ANKS1B: variants seen among roughly 807,000 people sequenced by gnomAD.
The protein encoded by ANKS1B is ankyrin repeat and sterile alpha motif domain containing 1B, also known as ankyrin repeat and sterile alpha motif domain-containing protein 1B.
In ANKS1B, 36 loss-of-function variants were observed where a neutral mutation model predicts 148.3. The ratio of observed to expected loss-of-function variants is 0.24; its 90% confidence interval spans 0.19 to 0.32. The LOEUF is 0.32. Among genes scored for constraint, ANKS1B ranks in the 10% least tolerant of loss-of-function variants. The pLI, the probability that ANKS1B is intolerant of heterozygous loss-of-function variation, is 1.00. For missense variants in ANKS1B, 1,157 were observed against 1,542.6 expected (o/e 0.75, Z 4.19); for synonymous variants, 542 against 560.8 (o/e 0.97, Z 0.47).
chr12:99,115,506 A>G (rs2061163088), intron 15 of ANKS1B, among the ~76,000 whole-genome samples: 1 of 152,198 alleles, frequency 6.6e-6, no homozygotes, highest in South Asian at 2.1e-4. Context: ...AGCAGAAAAA[A>G]TAACTATTGG....
intron 15 of ANKS1B, among the ~76,000 whole-genome samples, chr12:99,085,896 A>G (rs894854142): frequency 4.6e-5 from 7 of 152,200 alleles, no homozygotes; most frequent in African/African-American, 1.7e-4. Context: ...GGATCAGGAA[A>G]AATAACTCAT....
chr12:99,234,339 G>A (rs1262987340), intron 14 of ANKS1B, among the ~76,000 whole-genome samples: 2 of 152,040 alleles, frequency 1.3e-5, no homozygotes, highest in East Asian at 3.9e-4. Flanking sequence ...CTGTGCCAGG[G>A]TACTCTGGAA....
intron 2 of ANKS1B, among the ~76,000 whole-genome samples, chr12:99,823,801 C>T (rs2082815428): frequency 6.6e-6 from 1 of 152,156 alleles, no homozygotes; most frequent in East Asian, 1.9e-4. Context: ...CAGTCTTCTG[C>T]ATATGGTTAT....
intron 17 of ANKS1B, among the ~76,000 whole-genome samples, chr12:98,970,366 G>T (rs377075079): frequency 5.3e-5 from 8 of 152,268 alleles, no homozygotes; most frequent in African/African-American, 1.9e-4. Flanking sequence ...CCTGGGCAAT[G>T]GTAGCACACA....
chr12:99,554,895 T>G (rs1015090593), intron 9 of ANKS1B, among the ~76,000 whole-genome samples: 1 of 152,176 alleles, frequency 6.6e-6, no homozygotes, highest in Non-Finnish European at 1.5e-5. Flanking sequence ...TTCCCTTCTT[T>G]GTGTCCACGT....
intron 8 of ANKS1B, chr12:99,706,671 A>G (rs1376494697): frequency 6.6e-6 from 1 of 152,144 alleles, no homozygotes; most frequent in Admixed American, 6.5e-5. Context: ...TGTTAATTCC[A>G]TAGTTATGTC....
At chr12:99,147,681 A>G (rs910772298) in intron 15 of ANKS1B, among the ~76,000 whole-genome samples, 1 of 152,126 alleles carries the variant, frequency 6.6e-6, no homozygotes, top group Admixed American at 6.6e-5. Context: ...AACCAGGTAG[A>G]AAGAGGTGAA....
chr12:98,969,518 TG>T (rs2099881406), intron 17 of ANKS1B, among the ~76,000 whole-genome samples: 1 of 152,104 alleles, frequency 6.6e-6, no homozygotes, highest in South Asian at 2.1e-4. Flanking sequence ...ATAAAAAATA[TG>T]AATTATATAA....
At chr12:99,452,447 A>G (rs1049199138) in intron 10 of ANKS1B, among the ~76,000 whole-genome samples, 6 of 152,236 alleles carry the variant, frequency 3.9e-5, no homozygotes, top group Non-Finnish European at 8.8e-5. Context: ...TGTACAAAAA[A>G]TGGCATTATA....
chr12:99,843,875 G>A (rs898467891), intron 1 of ANKS1B, among the ~76,000 whole-genome samples: 1 of 152,094 alleles, frequency 6.6e-6, no homozygotes, highest in Admixed American at 6.6e-5. Flanking sequence ...CCCACCAGCA[G>A]TGTAAAAGCA....
At chr12:99,506,938 C>T (rs2096717788) in intron 9 of ANKS1B, among the ~76,000 whole-genome samples, 1 of 151,828 alleles carries the variant, frequency 6.6e-6, no homozygotes, top group Non-Finnish European at 1.5e-5. Context: ...ACTATAAGCT[C>T]CATGAAGGCT....
In ANKS1B at chr12:99,716,734, G is replaced by A. The variant is rs144423165; in HGVS notation, c.1128+56188C>T. ...CTAGTCTCTGTTCCCAATGCAAATCGTCCCAAATCTTCCTTCTTTCCCTCC... is the reference window on the plus strand; with the variant it reads ...CTAGTCTCTGTTCCCAATGCAAATCATCCCAAATCTTCCTTCTTTCCCTCC... On this transcript the variant is annotated intron_variant, in intron 8 of 26. Transcript: ENST00000683438. 3.3e-3 allele frequency among the ~76,000 whole-genome samples: 502 copies of A among 151,898 alleles called. 18 individuals carry two copies. The East Asian group carries it at 0.048, about 15-fold the overall frequency.
At chr12:99,134,117 T>C (rs151141115) in intron 15 of ANKS1B, among the ~76,000 whole-genome samples, 8 of 152,340 alleles carry the variant, frequency 5.3e-5, no homozygotes, top group Admixed American at 1.3e-4. Flanking sequence ...CTGCTTTTTA[T>C]AGACAACGAT....
intron 12 of ANKS1B, among the ~76,000 whole-genome samples, chr12:99,388,657 CT>C (rs754601135): frequency 9.9e-5 from 15 of 152,196 alleles, no homozygotes; most frequent in Non-Finnish European, 2.2e-4. Flanking sequence ...GGTGGCTTAA[CT>C]GGGCCCTCTG....
chr12:99,671,101 T>C (rs756093781), intron 8 of ANKS1B, among the ~76,000 whole-genome samples: 6 of 152,200 alleles, frequency 3.9e-5, no homozygotes, highest in Non-Finnish European at 7.4e-5. Context: ...ACTCAATCTA[T>C]TGTTTTGAAC....
At chr12:99,937,879 T>A (rs1488728) in intron 1 of ANKS1B, among the ~76,000 whole-genome samples, 91,573 of 151,970 alleles carry the variant, frequency 0.6, 28,709 homozygotes, top group Middle Eastern at 0.7. Flanking sequence ...GATAAATCAG[T>A]CATGAATCCT....
chr12:99,446,524 C>T (rs1845416146), intron 10 of ANKS1B, among the ~76,000 whole-genome samples: 1 of 151,964 alleles, frequency 6.6e-6, no homozygotes, highest in Non-Finnish European at 1.5e-5. Context: ...TACAGAGAAA[C>T]TCATCTCAAA....
downstream of ANKS1B, among the ~76,000 whole-genome samples, chr12:98,740,929 CA>C (rs1434281280): frequency 1.3e-5 from 2 of 152,164 alleles, no homozygotes; most frequent in Non-Finnish European, 1.5e-5. Context: ...GATGCTCCAG[CA>C]GCCATTTTGT....
intron 9 of ANKS1B, among the ~76,000 whole-genome samples, chr12:99,624,962 A>G (rs1476015964): frequency 6.6e-6 from 1 of 152,180 alleles, no homozygotes; most frequent in Non-Finnish European, 1.5e-5. Context: ...TTATCACAGC[A>G]CTATTCACAA....
Sources: allele counts gnomAD v4.1 joint callset (sites outside exome capture counted in the v4.1 genomes callset), GRCh38; gene constraint gnomAD v4.1.1; transcripts MANE v1.5; gene names NCBI Gene and HGNC (gene_info 2026-07-23, HGNC 2026-07-21).